Variants in GOPC observed in about 807,000 individuals in gnomAD.
The protein encoded by GOPC is Golgi-associated PDZ and coiled-coil motif-containing protein.
Under a neutral mutation model 51.2 loss-of-function variants are expected in GOPC, and 32 were observed. The ratio of observed to expected loss-of-function variants is 0.63; its 90% CI spans 0.47 to 0.84. The LOEUF is 0.84. GOPC is among the 40% of genes least tolerant of loss of function. The probability of loss-of-function intolerance (pLI) is 0.00; values close to 1 mark genes in which losing one functional copy is unlikely to be tolerated. For synonymous variants in GOPC, 190 were observed against 205.1 expected, an observed-to-expected ratio of 0.93 and a Z score of 0.63; for missense variants, 441 against 555.5, an observed-to-expected ratio of 0.79 and a Z score of 2.07.
intron 1 of GOPC, among the ~76,000 whole-genome samples, chr6:117,598,061 G>A (rs1057130321): frequency 9.9e-5 from 15 of 152,024 alleles, no homozygotes; most frequent in African/African-American, 3.4e-4. Flanking sequence ...AAATGTAGAA[G>A]CTAAAAAAAT....
Position 117,601,858 on chromosome 6 carries a change from T to C in GOPC, c.285+146A>G, listed in dbSNP as rs1380043677. 3.3e-6 allele frequency: 3 copies of C among 897,118 alleles called. No homozygotes were observed. In the South Asian group the frequency reaches 5.3e-5, roughly 16 times the overall value. The allele number at this position is 897,118 out of a possible 1,614,324, so 55.6% of individuals were successfully genotyped here. ...GCCCTTTTTGTCCCCCACCCTCACC[T>C]CACTCCTCAGACATGCACTCTCCCA... is the stretch of plus-strand genomic sequence containing the variant. On this transcript the variant is annotated intron_variant, in intron 1 of 8. Transcript: ENST00000368498.
chr6:117,602,100 A>T lies in GOPC; in HGVS notation c.189T>A (p.Thr63=), dbSNP rs757414710. 6.2e-7 allele frequency: 1 copy of T among 1,614,118 alleles called. No individual in the cohort carries two copies. The highest frequency in any genetic ancestry group is 2.2e-5 in the East Asian group (1 of 44,870). ...GEIDPDQADI[T]YEGRQKMTSL... ...TGGTCATCTTCTGTCGCCCCTCATA[A>T]GTGATGTCCGCTTGGTCTGGATCGA... The change falls in exon 1 of 9, where the codon ACT becomes ACA. Residue 63 remains threonine, a synonymous_variant. Coordinates refer to ENST00000368498, the MANE Select transcript of GOPC (RefSeq NM_020399.4).
chr6:117,593,719 A>G (rs908557222), intron 1 of GOPC, among the ~76,000 whole-genome samples: 9 of 152,226 alleles, frequency 5.9e-5, no homozygotes, highest in African/African-American at 1.4e-4. Flanking sequence ...AGGTTGGCCC[A>G]TGGTAACTGA....
chr6:117,568,704 T>C (rs1303949585), intron 7 of GOPC, among the ~76,000 whole-genome samples: 1 of 152,212 alleles, frequency 6.6e-6, no homozygotes, highest in Admixed American at 6.5e-5. Context: ...GAGACACAGA[T>C]TTCAGGCTTA....
In GOPC at chr6:117,577,431, A is replaced by C; in HGVS notation, c.474+17T>G. ...TCAGCGTGACATATTAAAGCAAAAC[A>C]GAAACAATATACTTACCAGCTCCTC... On this transcript the variant is annotated intron_variant, in intron 3 of 8. Transcript: ENST00000368498. 6.2e-7 allele frequency: 1 copy of C among 1,603,578 alleles called. No individual in the cohort carries two copies. Among genetic ancestry groups the C allele is most frequent in the South Asian group, 1.1e-5 (1 of 89,396 alleles).
At chr6:117,580,000 A>C (rs1374186733) in intron 1 of GOPC, among the ~76,000 whole-genome samples, 1 of 152,116 alleles carries the variant, frequency 6.6e-6, no homozygotes, top group Non-Finnish European at 1.5e-5. Flanking sequence ...GTCCCAAGGA[A>C]TTCAAACTAA....
At chr6:117,597,173 T>C (rs774768935) in intron 1 of GOPC, among the ~76,000 whole-genome samples, 5 of 152,354 alleles carry the variant, frequency 3.3e-5, no homozygotes, top group South Asian at 2.1e-4. Flanking sequence ...GATTCTTGAT[T>C]TGATTCTCAG....
chr6:117,585,593 A>C (rs1780019252), intron 1 of GOPC, among the ~76,000 whole-genome samples: 1 of 152,226 alleles, frequency 6.6e-6, no homozygotes. Context: ...GCATGGTATT[A>C]AAACTCAGAC....
chr6:117,589,994 T>G (rs1583062573), intron 1 of GOPC, among the ~76,000 whole-genome samples: 1 of 152,214 alleles, frequency 6.6e-6, no homozygotes, highest in African/African-American at 2.4e-5. Flanking sequence ...GTGAATTACA[T>G]ACCAGAGGAA....
Position 117,602,367 on chromosome 6 carries a change from G to C in GOPC, c.-79C>G. ...ACGAAGGGAACTGCTGGGACTGAGG[G>C]GACCCCCGCGCGCGCGGGCACACTC... is the stretch of plus-strand genomic sequence containing the variant. On this transcript the variant is annotated 5_prime_UTR_variant, in exon 1 of 9. Coordinates refer to ENST00000368498, the MANE Select transcript of GOPC (RefSeq NM_020399.4). The C allele has an allele frequency of 7.1e-7, 1 of 1,402,942 alleles. No homozygotes were observed. The highest frequency in any genetic ancestry group is 1.5e-5 in the South Asian group (1 of 68,238). 86.9% of individuals were successfully genotyped at this position (1,402,942 alleles called of 1,614,324 possible). A position where few individuals can be genotyped will look rare whatever the true frequency, so the allele number is the denominator to read the frequency against.
intron 8 of GOPC, among the ~76,000 whole-genome samples, chr6:117,565,083 A>T (rs1011840935): frequency 6.6e-6 from 1 of 152,216 alleles, no homozygotes; most frequent in Non-Finnish European, 1.5e-5. Flanking sequence ...CTAAAAAAAA[A>T]TTCATTTCTT....
chr6:117,580,339 C>T (rs1216531320), intron 1 of GOPC, among the ~76,000 whole-genome samples: 1 of 152,078 alleles, frequency 6.6e-6, no homozygotes, highest in East Asian at 1.9e-4. Flanking sequence ...CAAGTTCCCT[C>T]AGTTTAAAAC....
chr6:117,567,598 C>A (rs555321812), intron 7 of GOPC, among the ~76,000 whole-genome samples: 37 of 152,062 alleles, frequency 2.4e-4, no homozygotes, highest in Non-Finnish European at 4.7e-4. Flanking sequence ...ACACTGAGTA[C>A]CAGACACAGA....
chr6:117,561,960 T>C lies in GOPC; in HGVS notation c.*1294A>G, dbSNP rs1779592424. On this transcript the variant is annotated 3_prime_UTR_variant, in exon 9 of 9. Coordinates refer to ENST00000368498, the MANE Select transcript of GOPC (RefSeq NM_020399.4). The stretch of plus-strand genomic sequence containing the variant: ...TGAATACCAGAAATGAAGATACTGA[T>C]AATATTCTAAAAGCCTTGTAGGCTT... 1 of 207,482 alleles carries C rather than the reference T, an allele frequency of 4.8e-6. No individual in the cohort carries two copies. Among genetic ancestry groups the C allele is most frequent in the East Asian group, 7.4e-5 (1 of 13,554 alleles). The allele number at this position is 207,482 out of a possible 1,614,324, so 12.9% of individuals were successfully genotyped here. A position where few individuals can be genotyped will look rare whatever the true frequency, so the allele number is the denominator to read the frequency against.
chr6:117,586,455 A>T (rs1780034106), intron 1 of GOPC, among the ~76,000 whole-genome samples: 1 of 150,994 alleles, frequency 6.6e-6, no homozygotes, highest in Admixed American at 6.6e-5. Context: ...AAACTTTTAA[A>T]AGAATGCATC....
At chr6:117,565,687 T>C (rs1009007770) in intron 8 of GOPC, among the ~76,000 whole-genome samples, 1 of 152,214 alleles carries the variant, frequency 6.6e-6, no homozygotes, top group Admixed American at 6.5e-5. Context: ...ACGTATGTTT[T>C]ACAAAGTTCT....
rs372043870 is a variant in GOPC, at chr6:117,575,161, C to A, written c.650+16G>T. On this transcript the variant is annotated intron_variant, in intron 4 of 8. Coordinates refer to ENST00000368498, the MANE Select transcript of GOPC (RefSeq NM_020399.4). ...TTTGTCACTTAAGAGTACAATAATACCCATTTTTTACACACCTTCCTGCCA... is the reference window on the plus strand; with the variant it reads ...TTTGTCACTTAAGAGTACAATAATAACCATTTTTTACACACCTTCCTGCCA... The A allele has an allele frequency of 3.2e-6, 5 of 1,574,040 alleles. No individual in the cohort carries two copies. The highest frequency in any genetic ancestry group is 4.3e-6 in the Non-Finnish European group (5 of 1,161,324).
At chr6:117,576,138 C>T (rs1048896781) in intron 3 of GOPC, among the ~76,000 whole-genome samples, 12 of 151,870 alleles carry the variant, frequency 7.9e-5, no homozygotes, top group Admixed American at 2.0e-4. Flanking sequence ...TCAATAAATA[C>T]GATAATCCTA....
intron 1 of GOPC, among the ~76,000 whole-genome samples, chr6:117,580,524 G>T (rs1057270057): frequency 6.6e-6 from 1 of 152,070 alleles, no homozygotes; most frequent in African/African-American, 2.4e-5. Flanking sequence ...ACAATGAATG[G>T]CTTTGGATGA....
Sources: allele counts gnomAD v4.1 joint callset (sites outside exome capture counted in the v4.1 genomes callset), GRCh38; gene constraint gnomAD v4.1.1; transcripts MANE v1.5; gene names NCBI Gene and HGNC (gene_info 2026-07-23, HGNC 2026-07-21).